TRIM66: variants seen among roughly 807,000 people sequenced by gnomAD.
TRIM66 encodes tripartite motif containing 66, also known as tripartite motif-containing protein 66.
In TRIM66, 99 loss-of-function variants were observed where a neutral mutation model predicts 148.2. That is an observed-to-expected ratio of 0.67 (90% CI 0.57 to 0.79). The LOEUF (loss-of-function observed/expected upper bound fraction) is 0.79, where lower values mean the gene tolerates loss of function less well. Ranked by LOEUF, TRIM66 falls within the 30% of genes least tolerant of loss-of-function variation. The probability of loss-of-function intolerance (pLI) is 0.00; values close to 1 mark genes in which losing one functional copy is unlikely to be tolerated. For missense variants in TRIM66, 1,666 were observed against 1,697.9 expected (o/e 0.98, Z 0.33); for synonymous variants, 616 against 635.9 (o/e 0.97, Z 0.47).
chr11:8,658,914 C>A lies in TRIM66; in HGVS notation c.341-7011G>T. 9 of 530,942 alleles carry A rather than the reference C, an allele frequency of 1.7e-5. 1 individual carries two copies. The highest frequency in any genetic ancestry group is 8.1e-5 in the South Asian group (1 of 12,288). The allele number at this position is 530,942 out of a possible 1,614,324, so 32.9% of individuals were successfully genotyped here. ...CGTCACAGTCAGTTGCCATAGTGAC[C>A]AATTGTCCGTCACAAGCAGAGGATT... is the stretch of plus-strand genomic sequence containing the variant. On this transcript the variant is annotated intron_variant, in intron 6 of 24. Coordinates refer to ENST00000646038, the MANE Select transcript of TRIM66 (RefSeq NM_001388022.1).
intron 6 of TRIM66, among the ~76,000 whole-genome samples, chr11:8,664,753 G>A (rs527956550): frequency 1.1e-4 from 16 of 152,264 alleles, no homozygotes; most frequent in African/African-American, 3.9e-4. Context: ...CATGTTCTGT[G>A]TTGGGCTGCG....
intron 7 of TRIM66, among the ~76,000 whole-genome samples, 173 bp downstream of exon 7, chr11:8,651,627 C>T (rs1376548435): frequency 1.3e-5 from 2 of 152,118 alleles, no homozygotes; most frequent in Admixed American, 6.5e-5. Context: ...CTCATTGTTT[C>T]CCCCAACTCA....
intron 8 of TRIM66, 104 bp from the exon 9 acceptor site, chr11:8,648,652 A>T: frequency 7.4e-7 from 1 of 1,354,020 alleles, no homozygotes; most frequent in South Asian, 1.4e-5. Context: ...CACTGCAGAA[A>T]TACAGAGCTC....
At chr11:8,662,983 G>A (rs898032088) in intron 6 of TRIM66, 11 of 152,182 alleles carry the variant, frequency 7.2e-5, no homozygotes, top group African/African-American at 2.4e-4. Context: ...AATTTGACCT[G>A]GGACCATTCT....
In TRIM66 at chr11:8,612,574, A is replaced by G. The variant is rs1161821297; in HGVS notation, c.*5370T>C. ...TCTAGTATATACCTCCTTACCTCCA[A>G]GAAAGCAACCAATAGCTGCCTCCAA... is the stretch of plus-strand genomic sequence containing the variant. On this transcript the variant is annotated 3_prime_UTR_variant, in exon 25 of 25. Coordinates refer to ENST00000646038, the MANE Select transcript of TRIM66 (RefSeq NM_001388022.1). 1 of 152,352 alleles carries G rather than the reference A, an allele frequency of 6.6e-6. No individual in the cohort carries two copies. 9.4% of individuals were successfully genotyped at this position (152,352 alleles called of 1,614,324 possible).
chr11:8,641,548 G>C (rs1001160050), intron 13 of TRIM66, among the ~76,000 whole-genome samples: 2 of 152,188 alleles, frequency 1.3e-5, no homozygotes, highest in Non-Finnish European at 2.9e-5. Context: ...AAAGGGTAGA[G>C]AGCCATGCCT....
intron 18 of TRIM66, among the ~76,000 whole-genome samples, chr11:8,622,297 A>G (rs1392908626): frequency 1.4e-5 from 2 of 141,720 alleles, no homozygotes; most frequent in Admixed American, 7.1e-5. Flanking sequence ...ATATGTATAT[A>G]TATATGTGTG....
intron 3 of TRIM66, chr11:8,679,150 T>G (rs1364515305): frequency 6.6e-6 from 1 of 152,266 alleles, no homozygotes; most frequent in Non-Finnish European, 1.5e-5. Flanking sequence ...AATATCTGGC[T>G]GCTACTCCAC....
chr11:8,646,996 A>G (rs968144162), intron 10 of TRIM66, among the ~76,000 whole-genome samples: 1 of 150,990 alleles, frequency 6.6e-6, no homozygotes, highest in African/African-American at 2.4e-5. Flanking sequence ...AGTGACTAAT[A>G]ATGTTTATAT....
At chr11:8,623,090 A>G (rs2034464373) in intron 17 of TRIM66, among the ~76,000 whole-genome samples, 1 of 152,230 alleles carries the variant, frequency 6.6e-6, no homozygotes, top group South Asian at 2.1e-4. Flanking sequence ...TAAAAAGATG[A>G]ACACAAGTAA....
intron 15 of TRIM66, among the ~76,000 whole-genome samples, chr11:8,625,824 C>A (rs2034791874): frequency 6.6e-6 from 1 of 152,162 alleles, no homozygotes; most frequent in African/African-American, 2.4e-5. Context: ...CCTGGGGAAC[C>A]TGGGTCAACT....
At chr11:8,620,775 G>T (rs1341123568) in intron 20 of TRIM66, among the ~76,000 whole-genome samples, 9 of 152,264 alleles carry the variant, frequency 5.9e-5, no homozygotes, top group Non-Finnish European at 1.2e-4. Flanking sequence ...GGAGGCTGGG[G>T]TAGTAGTATA....
Position 8,622,889 on chromosome 11 carries a change from A to G in TRIM66, c.3020-13T>C. 2.6e-6 allele frequency: 4 copies of G among 1,551,428 alleles called. No individual in the cohort carries two copies. Among genetic ancestry groups the G allele is most frequent in the Non-Finnish European group, 3.5e-6 (4 of 1,146,594 alleles). On this transcript the variant is annotated splice_polypyrimidine_tract_variant and intron_variant, in intron 17 of 24. Coordinates refer to ENST00000646038, the MANE Select transcript of TRIM66 (RefSeq NM_001388022.1). ...AAATTCTCACACTCTAAGGCAAAAG[A>G]CAAACAAATACCTGTGACACACATT...
rs374200852 is a variant in TRIM66 at position 8,613,160 on chromosome 11, C to T, written c.*4784G>A. On this transcript the variant is annotated 3_prime_UTR_variant, in exon 25 of 25. Transcript: ENST00000646038. The stretch of plus-strand genomic sequence containing the variant: ...CAGGAGCAGCTGTGATTCTTCCTCC[C>T]TACCCAACTCCTGAAAAGAAGAGAC... The T allele has an allele frequency of 6.6e-6, 1 of 152,186 alleles. No individual in the cohort carries two copies. The highest frequency in any genetic ancestry group is 1.5e-5 in the Non-Finnish European group (1 of 68,076). 9.4% of individuals were successfully genotyped at this position (152,186 alleles called of 1,614,324 possible).
chr11:8,683,171 T>C (rs142988643), upstream of TRIM66: 63 of 1,611,280 alleles, frequency 3.9e-5, no homozygotes, highest in Non-Finnish European at 5.1e-5. Context: ...CCTAATTCCT[T>C]AGGCCTTACC....
upstream of TRIM66, chr11:8,683,068 C>G (rs1031543785): frequency 2.2e-5 from 22 of 990,962 alleles, no homozygotes; most frequent in Admixed American, 4.4e-4. Flanking sequence ...CTGAGCGGAT[C>G]GGTACCCTCA....
At chr11:8,644,514 T>C (rs928774508) in intron 12 of TRIM66, 3 of 427,472 alleles carry the variant, frequency 7.0e-6, no homozygotes, top group African/African-American at 6.2e-5. Flanking sequence ...AACTACAGCA[T>C]TGTCCCCTTC....
intron 15 of TRIM66, among the ~76,000 whole-genome samples, chr11:8,632,715 C>T (rs1036079586): frequency 6.6e-6 from 1 of 152,090 alleles, no homozygotes; most frequent in African/African-American, 2.4e-5. Context: ...CTTGCCTCGG[C>T]CTTCCAAAGT....
chr11:8,663,200 C>T (rs533886401), intron 6 of TRIM66: 8 of 152,292 alleles, frequency 5.3e-5, no homozygotes, highest in Admixed American at 3.3e-4. Flanking sequence ...TGAGAGGTGA[C>T]GCAGACCCAT....
Sources: allele counts gnomAD v4.1 joint callset (sites outside exome capture counted in the v4.1 genomes callset), GRCh38; gene constraint gnomAD v4.1.1; transcripts MANE v1.5; gene names NCBI Gene and HGNC (gene_info 2026-07-23, HGNC 2026-07-21).